Variants in EFCAB10 observed in about 807,000 individuals in gnomAD.
EFCAB10 encodes EF-hand calcium binding domain 10.
A neutral mutation model predicts 7.7 loss-of-function variants in EFCAB10; 7 were observed. That is an observed-to-expected ratio of 0.91 (90% CI 0.52 to 1.72). The LOEUF (loss-of-function observed/expected upper bound fraction) is 1.72, where lower values mean the gene tolerates loss of function less well. Among genes scored for constraint, EFCAB10 ranks in the 40% most tolerant of loss-of-function variants. The pLI, the probability that EFCAB10 is intolerant of heterozygous loss-of-function variation, is 0.00. For synonymous variants in EFCAB10, 52 were observed against 21.0 expected (o/e 2.47, Z -4.03); for missense variants, 112 against 61.5 (o/e 1.82, Z -2.74).
At chr7:105,566,877 G>A (rs1791777157) in intron 4 of EFCAB10, 1 of 278,040 alleles carries the variant, frequency 3.6e-6, no homozygotes, top group Non-Finnish European at 6.6e-6. Flanking sequence ...ATTGTATTTA[G>A]GGAAATAACG....
intron 1 of EFCAB10, among the ~76,000 whole-genome samples, chr7:105,578,795 CAG>C (rs766219612): frequency 5.9e-5 from 9 of 152,152 alleles, no homozygotes; most frequent in Non-Finnish European, 1.0e-4. Flanking sequence ...TTTTATGAGA[CAG>C]AGTCTCACTC....
Position 105,569,245 on chromosome 7 carries a change from T to C in EFCAB10, c.317A>G (p.Asp106Gly). 1.4e-6 allele frequency: 1 copy of C among 702,228 alleles called. No individual in the cohort carries two copies. The allele number at this position is 702,228 out of a possible 1,614,324, so 43.5% of individuals were successfully genotyped here. A position where few individuals can be genotyped will look rare whatever the true frequency, so the allele number is the denominator to read the frequency against. Residue 106 changes from aspartate to glycine, a missense_variant, in exon 3 of 5, where the codon GAT (aspartate) becomes GGT (glycine). Asp to Gly is a moderately conservative substitution (Grantham distance 94). Transcript: ENST00000480514. ...GLCTEDEDLQ[D>G]DGHKITLDKF... ...ATCCAAAGTTATTTTATGTCCATCA[T>C]CTTGTAAATCTTCATCTTCAGTGCA... is the stretch of plus-strand genomic sequence containing the variant.
At chr7:105,573,903 T>G (rs990656503) in intron 1 of EFCAB10, among the ~76,000 whole-genome samples, 2 of 152,174 alleles carry the variant, frequency 1.3e-5, no homozygotes, top group Non-Finnish European at 2.9e-5. Flanking sequence ...CATGATAGTC[T>G]CCATTGAGTT....
rs373829660 is a variant in EFCAB10 at position 105,577,424 on chromosome 7, C to CA, written c.106+3933dup. On this transcript the variant is annotated intron_variant, in intron 1 of 4. Transcript: ENST00000480514. The stretch of plus-strand genomic sequence containing the variant: ...CTGCTGTGGAGAATACAGCTGGGAA[C>CA]AAGGAGGAAGGACTTTTGAGTGGTT... Among the ~76,000 whole-genome samples, 667 of 152,268 alleles carry CA rather than the reference C, an allele frequency of 4.4e-3. 4 individuals are homozygous for CA. Among genetic ancestry groups the CA allele is most frequent in the African/African-American group, 0.016 (644 of 41,540 alleles).
chr7:105,578,682 A>G (rs1792146606), intron 1 of EFCAB10, among the ~76,000 whole-genome samples: 1 of 152,224 alleles, frequency 6.6e-6, no homozygotes, highest in Non-Finnish European at 1.5e-5. Context: ...ATGACATCAG[A>G]ATTCTTCAGA....
chr7:105,574,491 C>T (rs1206807193), intron 1 of EFCAB10, among the ~76,000 whole-genome samples: 1 of 146,894 alleles, frequency 6.8e-6, no homozygotes, highest in African/African-American at 2.5e-5. Context: ...CAGGGAAGCT[C>T]CTTTTTTTTT....
chr7:105,572,346 A>T (rs1791972292), intron 1 of EFCAB10: 1 of 152,222 alleles, frequency 6.6e-6, no homozygotes, highest in Non-Finnish European at 1.5e-5. Flanking sequence ...AGGTTCATCC[A>T]TGTTGTTGCA....
chr7:105,574,807 C>A (rs113832972), intron 1 of EFCAB10, among the ~76,000 whole-genome samples: 4 of 151,688 alleles, frequency 2.6e-5, no homozygotes, highest in Admixed American at 2.6e-4. Flanking sequence ...TTAAAACCAT[C>A]GGATCAGGTC....
chr7:105,575,336 T>A (rs1792051515), intron 1 of EFCAB10, among the ~76,000 whole-genome samples: 1 of 152,118 alleles, frequency 6.6e-6, no homozygotes. Context: ...TTAGATGAAG[T>A]CTCACTTTGT....
At chr7:105,571,232 AAAC>A (rs779961393) in intron 1 of EFCAB10, 7 of 152,206 alleles carry the variant, frequency 4.6e-5, no homozygotes, top group Non-Finnish European at 8.8e-5. Context: ...TTAACAGCAT[AAAC>A]AATAGCCCAA....
At chr7:105,581,278 G>A in intron 1 of EFCAB10, 80 bp downstream of exon 1, 2 of 672,194 alleles carry the variant, frequency 3.0e-6, no homozygotes, top group Non-Finnish European at 5.4e-6. Flanking sequence ...AGTGGAAAGC[G>A]AATGTGTAAG....
intron 4 of EFCAB10, among the ~76,000 whole-genome samples, chr7:105,565,884 T>TAGAA (rs1436467206): frequency 6.6e-6 from 1 of 152,212 alleles, no homozygotes; most frequent in East Asian, 1.9e-4. Context: ...TTTTGTTTTC[T>TAGAA]AGTATTTGGT....
chr7:105,565,532 A>G, intron 4 of EFCAB10, 85 bp from the exon 5 acceptor site: 1 of 1,612,898 alleles, frequency 6.2e-7, no homozygotes. Flanking sequence ...TGTTTCAGAT[A>G]ATTCTTGCTA....
chr7:105,577,549 C>T (rs779974993), intron 1 of EFCAB10, among the ~76,000 whole-genome samples: 24 of 149,768 alleles, frequency 1.6e-4, no homozygotes, highest in Non-Finnish European at 2.4e-4. Flanking sequence ...GTGTTGCAAC[C>T]GAGATGGCCA....
Position 105,565,614 on chromosome 7 carries a change from C to G in EFCAB10, c.*-167G>C, listed in dbSNP as rs2133481242. ...TCGGAATCTTTTCCCTTTGTTTTCT[C>G]ACTATTGCAAGAGACCAGAAAATTA... On this transcript the variant is annotated intron_variant, in intron 4 of 4. Coordinates refer to ENST00000480514, the MANE Select transcript of EFCAB10 (RefSeq NM_001355526.2). The G allele has an allele frequency of 6.2e-7, 1 of 1,612,960 alleles. No individual in the cohort carries two copies. The highest frequency in any genetic ancestry group is 8.5e-7 in the Non-Finnish European group (1 of 1,179,150).
intron 3 of EFCAB10, among the ~76,000 whole-genome samples, chr7:105,568,529 G>A (rs930158903): frequency 6.6e-6 from 1 of 152,160 alleles, no homozygotes; most frequent in Non-Finnish European, 1.5e-5. Context: ...GATTCTATTA[G>A]TATGTATTTT....
At chr7:105,574,671 A>G (rs1331956530) in intron 1 of EFCAB10, among the ~76,000 whole-genome samples, 2 of 151,804 alleles carry the variant, frequency 1.3e-5, no homozygotes, top group African/African-American at 4.8e-5. Flanking sequence ...TATTTTTAAT[A>G]GAGGGGTTTC....
chr7:105,569,348 G>T, intron 2 of EFCAB10, 58 bp from the exon 3 acceptor site: 1 of 694,032 alleles, frequency 1.4e-6, no homozygotes, highest in Non-Finnish European at 2.6e-6. Flanking sequence ...AGTATTTTCT[G>T]CTAGAAAAAA....
chr7:105,566,865 G>A, intron 4 of EFCAB10: 1 of 250,088 alleles, frequency 4.0e-6, no homozygotes, highest in Non-Finnish European at 7.5e-6. Context: ...TTAATATTAA[G>A]TATTGTATTT....
Sources: gnomAD v4.1 joint callset for allele counts (sites outside exome capture counted in the v4.1 genomes callset) on GRCh38, gnomAD v4.1.1 for gene constraint, MANE v1.5 for transcripts, NCBI Gene and HGNC (gene_info 2026-07-23, HGNC 2026-07-21) for gene names.